MVB12A: variants seen among roughly 807,000 people sequenced by gnomAD.
MVB12A encodes the protein multivesicular body subunit 12A, also known as CIN85/CD2AP family binding protein.
A neutral mutation model predicts 34.3 loss-of-function variants in MVB12A; 30 were observed. That is an observed-to-expected ratio of 0.88 (90% CI 0.65 to 1.19). The LOEUF is 1.19. Ranked by LOEUF, MVB12A falls within the 50% of genes most tolerant of loss-of-function variation. The pLI is 0.00. For missense variants in MVB12A, 355 were observed against 369.2 expected (o/e 0.96, Z 0.31); for synonymous variants, 158 against 158.9 (o/e 0.99, Z 0.04).
At chr19:17,408,250 C>T (rs1568386468) in intron 2 of MVB12A, among the ~76,000 whole-genome samples, 1 of 151,932 alleles carries the variant, frequency 6.6e-6, no homozygotes, top group Non-Finnish European at 1.5e-5. Flanking sequence ...CCCACAATTA[C>T]AAATGGTGGG....
chr19:17,416,625 G>A (rs545990161), upstream of MVB12A, among the ~76,000 whole-genome samples: 8 of 151,628 alleles, frequency 5.3e-5, no homozygotes, highest in East Asian at 1.5e-3. Flanking sequence ...ACCCATGTTG[G>A]CCAGGCTGGT....
chr19:17,406,495 C>T (rs1361725974), intron 2 of MVB12A: 8 of 152,196 alleles, frequency 5.3e-5, no homozygotes, highest in Admixed American at 5.2e-4. Flanking sequence ...TGACCACAGC[C>T]CAGATTCTGT....
chr19:17,419,867 G>A (rs1209911038), upstream of MVB12A: 1 of 327,132 alleles, frequency 3.1e-6, no homozygotes, highest in Non-Finnish European at 5.5e-6. Context: ...GGAAGTTGCT[G>A]GGCGCGGAAA....
At chr19:17,408,829 C>CTT (rs60162893) in intron 2 of MVB12A, among the ~76,000 whole-genome samples, 78,098 of 120,520 alleles carry the variant, frequency 0.65, 27,600 homozygotes, top group Non-Finnish European at 0.8. Context: ...TCTGCCATTA[C>CTT]TTTTTTTTTT....
At chr19:17,424,897 G>A in intron 8 of MVB12A, 34 bp from the exon 9 acceptor site, 1 of 1,546,114 alleles carries the variant, frequency 6.5e-7, no homozygotes, top group Non-Finnish European at 8.8e-7. Flanking sequence ...CTTTACTCTG[G>A]CACCTGTTCA....
chr19:17,415,719 G>A (rs1323745562), upstream of MVB12A: 1 of 142,344 alleles, frequency 7.0e-6, no homozygotes, highest in African/African-American at 2.7e-5. Flanking sequence ...TTAAATAAAG[G>A]ACTCTTAATT....
chr19:17,415,377 GAACA>G (rs1285426058), upstream of MVB12A: 2 of 152,208 alleles, frequency 1.3e-5, no homozygotes, highest in African/African-American at 4.8e-5. Context: ...TAAGGTACTG[GAACA>G]AACAATGTAC....
At chr19:17,420,269 G>A (rs985471650) in intron 1 of MVB12A, 44 bp downstream of exon 1, 3 of 1,546,498 alleles carry the variant, frequency 1.9e-6, no homozygotes, top group African/African-American at 1.4e-5. Context: ...GGAGGCAGTC[G>A]CTGTGGGGTG....
At chr19:17,410,437 G>T (rs2074756811) in intron 2 of MVB12A, among the ~76,000 whole-genome samples, 1 of 146,300 alleles carries the variant, frequency 6.8e-6, no homozygotes, top group African/African-American at 2.5e-5. Flanking sequence ...CCCGCAAAGT[G>T]TTGGAATTAC....
At chr19:17,424,410 C>T (rs1473792253) in intron 7 of MVB12A, among the ~76,000 whole-genome samples, 1 of 151,972 alleles carries the variant, frequency 6.6e-6, no homozygotes, top group African/African-American at 2.4e-5. Context: ...GGTGAAACCT[C>T]GTCTCTATTG....
At chr19:17,415,492 G>A (rs996524878), upstream of MVB12A, 7 of 151,466 alleles carry the variant, frequency 4.6e-5, no homozygotes, top group African/African-American at 7.3e-5. Flanking sequence ...TTTAGAGCCC[G>A]GCACCTGGTT....
intron 8 of MVB12A, 24 bp from the exon 9 acceptor site, chr19:17,424,905 TCA>T: frequency 6.3e-7 from 1 of 1,578,236 alleles, no homozygotes; most frequent in Non-Finnish European, 8.6e-7. Context: ...TGGCACCTGT[TCA>T]CTCTCTCTCT....
intron 6 of MVB12A, 96 bp from the exon 7 acceptor site, chr19:17,423,910 A>G: frequency 1.3e-6 from 2 of 1,574,866 alleles, no homozygotes; most frequent in Non-Finnish European, 1.7e-6. Flanking sequence ...TGGATTCTGT[A>G]AAGACTGAAG....
intron 4 of MVB12A, 53 bp downstream of exon 4, chr19:17,422,511 T>G (rs2074844856): frequency 6.5e-7 from 1 of 1,540,582 alleles, no homozygotes; most frequent in Non-Finnish European, 8.8e-7. Flanking sequence ...CAACTCATGA[T>G]CTCACCAATC....
intron 2 of MVB12A, chr19:17,414,725 C>T (rs547155749): frequency 2.4e-4 from 37 of 151,546 alleles, no homozygotes; most frequent in African/African-American, 8.0e-4. Flanking sequence ...AAAAATGAGC[C>T]GGGTGTGGTG....
chr19:17,405,876 C>T (rs531728352), intron 1 of MVB12A: 59 of 326,926 alleles, frequency 1.8e-4, no homozygotes, highest in African/African-American at 1.1e-3. Flanking sequence ...CCCTGTGCCT[C>T]TGCTGTGTGT....
At position 17,423,360 on chromosome 19, in the gene MVB12A, CAAAAAAA is replaced by C. The variant is rs375399762; in HGVS notation, c.414-124_414-118del. ...GGCAACATGAGCGAAACTCCGTCCC[CAAAAAAA>C]AAAAAAAAAAAAATTCCCCCAAAAG... is the stretch of plus-strand genomic sequence containing the variant. On this transcript the variant is annotated intron_variant, in intron 4 of 8. Coordinates refer to ENST00000317040, the MANE Select transcript of MVB12A (RefSeq NM_138401.4). 1.7e-4 allele frequency: 148 copies of C among 890,688 alleles called. No homozygotes were observed. In the African/African-American group the frequency reaches 2.5e-3, roughly 15 times the overall value. 55.2% of individuals were successfully genotyped at this position (890,688 alleles called of 1,614,324 possible). A position where few individuals can be genotyped will look rare whatever the true frequency, so the allele number is the denominator to read the frequency against.
In MVB12A at chr19:17,420,584, A is replaced by G. The variant is rs748748204; in HGVS notation, c.236A>G (p.Lys79Arg). The G allele has an allele frequency of 1.9e-6, 3 of 1,614,062 alleles. No individual in the cohort carries two copies. The highest frequency in any genetic ancestry group is 3.3e-5 in the Admixed American group (2 of 60,008). ...VVADIQIVVD[K>R]SPLPLGFSPV... ...GCCGATATCCAGATCGTGGTGGACAAGAGCCCCCTGCCGCTGGGCTTCTCC... is the reference window on the plus strand; with the variant it reads ...GCCGATATCCAGATCGTGGTGGACAGGAGCCCCCTGCCGCTGGGCTTCTCC... The change falls in exon 3 of 9, where the codon AAG becomes AGG. Residue 79 changes from lysine to arginine, a missense_variant. By Grantham distance (26) the Lys-to-Arg change is conservative. Transcript: ENST00000317040.
Position 17,424,926 on chromosome 19 carries a change from C to G in MVB12A, c.760-5C>G. On this transcript the variant is annotated splice_region_variant and splice_polypyrimidine_tract_variant and intron_variant, in intron 8 of 8. Transcript: ENST00000317040. ...CTGTTCACTCTCTCTCTCCCCATCC[C>G]CCAGTATAACTACGGCTTCGTGGTG... is the stretch of plus-strand genomic sequence containing the variant. 1.2e-6 allele frequency: 2 copies of G among 1,605,664 alleles called. No individual in the cohort carries two copies. Among genetic ancestry groups the G allele is most frequent in the Non-Finnish European group, 1.7e-6 (2 of 1,175,036 alleles).
Sources: allele counts gnomAD v4.1 joint callset (sites outside exome capture counted in the v4.1 genomes callset), GRCh38; gene constraint gnomAD v4.1.1; transcripts MANE v1.5; gene names NCBI Gene and HGNC (gene_info 2026-07-23, HGNC 2026-07-21).